MYOZ2: variants seen among roughly 807,000 people sequenced by gnomAD.
The protein encoded by MYOZ2 is myozenin 2, also known as myozenin-2.
Under a neutral mutation model 25.4 loss-of-function variants are expected in MYOZ2, and 19 were observed. The observed-to-expected ratio is 0.75, with a 90% CI of 0.52 to 1.10. MYOZ2 has a LOEUF of 1.10. MYOZ2 is among the 50% of genes least tolerant of loss of function. The pLI is 0.00. For synonymous variants in MYOZ2, 92 were observed against 106.9 expected, an observed-to-expected ratio of 0.86 and a Z score of 0.86; for missense variants, 270 against 317.9, an observed-to-expected ratio of 0.85 and a Z score of 1.15.
At chr4:119,174,507 C>G (rs879812140) in intron 5 of MYOZ2, among the ~76,000 whole-genome samples, 4 of 151,926 alleles carry the variant, frequency 2.6e-5, no homozygotes, top group African/African-American at 7.3e-5. Flanking sequence ...TGTGAGTGCA[C>G]CAATCCACAC....
At chr4:119,177,959 A>G (rs1742113236) in intron 5 of MYOZ2, among the ~76,000 whole-genome samples, 1 of 152,026 alleles carries the variant, frequency 6.6e-6, no homozygotes, top group Non-Finnish European at 1.5e-5. Flanking sequence ...GTTCTTAAAT[A>G]TTGTCTATAT....
At chr4:119,137,402 G>A (rs547896302) in intron 2 of MYOZ2, among the ~76,000 whole-genome samples, 3 of 152,242 alleles carry the variant, frequency 2.0e-5, no homozygotes, top group South Asian at 2.1e-4. Flanking sequence ...CCTCTTAGGA[G>A]CTGATTTGAG....
At chr4:119,139,867 G>A (rs762075218) in intron 2 of MYOZ2, among the ~76,000 whole-genome samples, 6 of 152,030 alleles carry the variant, frequency 3.9e-5, no homozygotes, top group Non-Finnish European at 7.4e-5. Flanking sequence ...TTTTTGGTAC[G>A]TTTTTTGTTT....
At chr4:119,174,795 A>G (rs535260564) in intron 5 of MYOZ2, among the ~76,000 whole-genome samples, 6 of 152,094 alleles carry the variant, frequency 3.9e-5, no homozygotes, top group Non-Finnish European at 8.8e-5. Context: ...ACTCTTTGCA[A>G]TAAATCTTGC....
chr4:119,159,101 A>G (rs1158492537), intron 4 of MYOZ2, among the ~76,000 whole-genome samples: 1 of 152,130 alleles, frequency 6.6e-6, no homozygotes, highest in Non-Finnish European at 1.5e-5. Flanking sequence ...TGTACCCACA[A>G]AAGTCAAAAA....
intron 3 of MYOZ2, among the ~76,000 whole-genome samples, chr4:119,153,644 A>G (rs1394620627): frequency 1.3e-5 from 2 of 152,122 alleles, no homozygotes; most frequent in Non-Finnish European, 1.5e-5. Context: ...TTATTCTAGT[A>G]TAATGTTGAA....
At chr4:119,143,562 A>G (rs1236801677) in intron 2 of MYOZ2, among the ~76,000 whole-genome samples, 1 of 152,198 alleles carries the variant, frequency 6.6e-6, no homozygotes, top group African/African-American at 2.4e-5. Flanking sequence ...ACTAAAGTCC[A>G]TAGTTTACAT....
At position 119,141,844 on chromosome 4, in the gene MYOZ2, C is replaced by T. The variant is rs1452538304; in HGVS notation, c.76+5243C>T. On this transcript the variant is annotated intron_variant, in intron 2 of 5. Transcript: ENST00000307128. ...CAGCGAAGGGCAGGCAACAGCTGAA[C>T]TTAGAATCTGTGTGCTCAGCTGACA... Among the ~76,000 whole-genome samples, 23 of 152,192 alleles carry T rather than the reference C, an allele frequency of 1.5e-4. 1 individual carries two copies. Among genetic ancestry groups the T allele is most frequent in the Admixed American group, 1.5e-3 (23 of 15,286 alleles).
chr4:119,158,136 G>A lies in MYOZ2; in HGVS notation c.361G>A (p.Asp121Asn). Residue 121 changes from aspartate (D) to asparagine (N), a missense_variant, in exon 4 of 6, where the codon GAC becomes AAC. Asp to Asn is a conservative substitution (Grantham distance 23). Coordinates refer to ENST00000307128, the MANE Select transcript of MYOZ2 (RefSeq NM_016599.5). ...TPDPRSPPNP[D>N]NIAPGYSGPL... ...AGATCCACGAAGCCCTCCAAATCCAGACAACATTGCTCCAGGTAACCAATC... is the reference window on the plus strand; with the variant it reads ...AGATCCACGAAGCCCTCCAAATCCAAACAACATTGCTCCAGGTAACCAATC... 1 of 1,613,980 alleles carries A rather than the reference G, an allele frequency of 6.2e-7. No individual in the cohort carries two copies. Among genetic ancestry groups the A allele is most frequent in the Non-Finnish European group, 8.5e-7 (1 of 1,179,968 alleles).
Position 119,158,050 on chromosome 4 carries a change from T to C in MYOZ2, c.275T>C (p.Val92Ala), listed in dbSNP as rs764229797. 7 of 1,613,878 alleles carry C rather than the reference T, an allele frequency of 4.3e-6. No individual in the cohort carries two copies. The highest frequency in any genetic ancestry group is 5.9e-6 in the Non-Finnish European group (7 of 1,179,966). ...NHSIAMQNGK[V>A]DGSNLEGGSQ... ...AGTATTGCTATGCAGAATGGGAAAGTGGATGGAAGTAACTTGGAAGGTGGT... is the reference window on the plus strand; with the variant it reads ...AGTATTGCTATGCAGAATGGGAAAGCGGATGGAAGTAACTTGGAAGGTGGT... Residue 92 changes from valine to alanine, a missense_variant, in exon 4 of 6, where the codon GTG (valine) becomes GCG (alanine). Val to Ala is a moderately conservative substitution (Grantham distance 64). Transcript: ENST00000307128.
chr4:119,164,889 A>G (rs921943646), intron 5 of MYOZ2, among the ~76,000 whole-genome samples: 7 of 152,028 alleles, frequency 4.6e-5, no homozygotes, highest in Admixed American at 4.6e-4. Flanking sequence ...GTACAACCCA[A>G]AACTTATGCT....
At chr4:119,183,553 C>T (rs1742230804) in intron 5 of MYOZ2, among the ~76,000 whole-genome samples, 1 of 152,156 alleles carries the variant, frequency 6.6e-6, no homozygotes, top group African/African-American at 2.4e-5. Context: ...GATGTCTAAT[C>T]GTGTTTTCCA....
At chr4:119,184,946 A>G (rs763191810) in intron 5 of MYOZ2, among the ~76,000 whole-genome samples, 3 of 152,222 alleles carry the variant, frequency 2.0e-5, no homozygotes, top group Non-Finnish European at 2.9e-5. Context: ...ACTGACATAG[A>G]ACAATTGATG....
intron 2 of MYOZ2, among the ~76,000 whole-genome samples, chr4:119,139,100 TC>T (rs1211918903): frequency 1.2e-4 from 18 of 152,304 alleles, no homozygotes; most frequent in African/African-American, 4.3e-4. Flanking sequence ...TCATTTTGAA[TC>T]CATTGTGATT....
At chr4:119,152,829 T>G (rs1444203053) in intron 3 of MYOZ2, among the ~76,000 whole-genome samples, 1 of 152,142 alleles carries the variant, frequency 6.6e-6, no homozygotes. Flanking sequence ...GTGATGAATT[T>G]TACTCTTCTT....
intron 5 of MYOZ2, among the ~76,000 whole-genome samples, chr4:119,169,758 C>A (rs147509353): frequency 4.5e-4 from 69 of 152,290 alleles, no homozygotes; most frequent in South Asian, 1.0e-3. Flanking sequence ...ATACTTTCAG[C>A]TGGAAGCCCT....
intron 2 of MYOZ2, among the ~76,000 whole-genome samples, chr4:119,146,421 G>T (rs1332237448): frequency 6.6e-6 from 1 of 151,726 alleles, no homozygotes; most frequent in Non-Finnish European, 1.5e-5. Context: ...TTGATATGCT[G>T]TATTTTCAAA....
chr4:119,185,279 G>C (rs951203596), intron 5 of MYOZ2, among the ~76,000 whole-genome samples: 1 of 151,836 alleles, frequency 6.6e-6, no homozygotes, highest in Non-Finnish European at 1.5e-5. Context: ...CAGGTACTTG[G>C]GATTACAGGT....
chr4:119,185,942 TG>T (rs768788729), intron 5 of MYOZ2, 23 bp from the exon 6 acceptor site: 26 of 1,396,170 alleles, frequency 1.9e-5, no homozygotes, highest in South Asian at 1.3e-4. Context: ...AATTGAGATC[TG>T]TTTTTTTTTT....
Sources: gnomAD v4.1 joint callset for allele counts (sites outside exome capture counted in the v4.1 genomes callset) on GRCh38, gnomAD v4.1.1 for gene constraint, MANE v1.5 for transcripts, NCBI Gene and HGNC (gene_info 2026-07-23, HGNC 2026-07-21) for gene names.